Variants in NOX4 observed in about 807,000 individuals in gnomAD.
NOX4 encodes kidney oxidase-1.
In NOX4, 69 loss-of-function variants were observed where a neutral mutation model predicts 87.6. The observed-to-expected ratio is 0.79, with a 90% CI of 0.65 to 0.96. NOX4 has a LOEUF of 0.96. Among genes scored for constraint, NOX4 ranks in the 40% least tolerant of loss-of-function variants. The probability of loss-of-function intolerance (pLI) is 0.00; values close to 1 mark genes in which losing one functional copy is unlikely to be tolerated. For missense variants in NOX4, 680 were observed against 681.5 expected (o/e 1.00, Z 0.02); for synonymous variants, 275 against 238.2 (o/e 1.15, Z -1.42).
At chr11:89,455,668 T>C (rs1945161301) in intron 2 of NOX4, among the ~76,000 whole-genome samples, 1 of 150,778 alleles carries the variant, frequency 6.6e-6, no homozygotes, top group South Asian at 2.1e-4. Context: ...TCATGGAAAA[T>C]ATTATGAAGT....
chr11:89,436,553 AATTT>A (rs1263842739), intron 6 of NOX4, among the ~76,000 whole-genome samples: 1 of 152,120 alleles, frequency 6.6e-6, no homozygotes, highest in Non-Finnish European at 1.5e-5. Flanking sequence ...ATGCATATTA[AATTT>A]ATTAATTAGT....
chr11:89,490,439 C>A lies in NOX4; in HGVS notation c.153+19G>T. The A allele has an allele frequency of 6.5e-7, 1 of 1,536,130 alleles. No homozygotes were observed. On this transcript the variant is annotated intron_variant, in intron 2 of 17. Transcript: ENST00000263317. ...TGTTAAACCCATTCCACCAGATTAT[C>A]CAAGTTCACCTTACTTACCCCCAAC...
At chr11:89,578,290 T>C in the NOX4 span, among the ~76,000 whole-genome samples, 1 of 151,872 alleles carries the variant, frequency 6.6e-6, no homozygotes, top group Admixed American at 6.6e-5. Flanking sequence ...GCTTCCTGAG[T>C]AGCCGGGACT....
intron 2 of NOX4, among the ~76,000 whole-genome samples, chr11:89,485,229 G>A (rs1264117344): frequency 1.3e-5 from 2 of 152,072 alleles, no homozygotes; most frequent in African/African-American, 4.8e-5. Context: ...CAAGAGCATA[G>A]ATATTTCAAT....
intron 5 of NOX4, chr11:89,443,454 C>G (rs1171193156): frequency 6.6e-6 from 1 of 152,124 alleles, no homozygotes; most frequent in African/African-American, 2.4e-5. Context: ...TTGATGTAGT[C>G]TTGGCATTGT....
chr11:89,491,503 C>A (rs1946856245), upstream of NOX4: 2 of 472,982 alleles, frequency 4.2e-6, no homozygotes, highest in Admixed American at 4.4e-5. Flanking sequence ...AGACGCCCAG[C>A]GCTCTGAGCG....
intron 5 of NOX4, among the ~76,000 whole-genome samples, chr11:89,441,933 A>G (rs1384832411): frequency 2.2e-5 from 3 of 138,642 alleles, no homozygotes; most frequent in African/African-American, 5.6e-5. Flanking sequence ...TTCACAAAAT[A>G]ACATATGTGT....
At chr11:89,425,420 A>C (rs560662910) in intron 7 of NOX4, among the ~76,000 whole-genome samples, 37 of 151,556 alleles carry the variant, frequency 2.4e-4, no homozygotes, top group Non-Finnish European at 4.0e-4. Context: ...AAAAAAAAAA[A>C]AAAACAAAAC....
chr11:89,336,246 T>C (rs982900508), intron 16 of NOX4, among the ~76,000 whole-genome samples: 1 of 151,944 alleles, frequency 6.6e-6, no homozygotes, highest in African/African-American at 2.4e-5. Context: ...ACTAATCTCC[T>C]TGAATGCCAT....
chr11:89,486,495 CATAT>C, intron 2 of NOX4, among the ~76,000 whole-genome samples: 1 of 142,658 alleles, frequency 7.0e-6, no homozygotes, highest in African/African-American at 2.6e-5. Flanking sequence ...TGTTTGTGTG[CATAT>C]ATACACATAT....
the NOX4 span, among the ~76,000 whole-genome samples, chr11:89,581,248 T>A: frequency 6.6e-6 from 1 of 152,146 alleles, no homozygotes; most frequent in Non-Finnish European, 1.5e-5. Context: ...ATTAAGAGTT[T>A]CTGAGCAAGA....
At chr11:89,586,290 C>T in the NOX4 span, among the ~76,000 whole-genome samples, 2 of 152,148 alleles carry the variant, frequency 1.3e-5, no homozygotes, top group East Asian at 1.9e-4. Flanking sequence ...TAGTAGCAGT[C>T]AGAATTTATT....
At chr11:89,447,525 C>A (rs919708569) in intron 4 of NOX4, among the ~76,000 whole-genome samples, 1 of 152,070 alleles carries the variant, frequency 6.6e-6, no homozygotes, top group Non-Finnish European at 1.5e-5. Flanking sequence ...CAAAACAAAG[C>A]AATGTGGTAG....
At chr11:89,442,499 A>G (rs1944501167) in intron 5 of NOX4, among the ~76,000 whole-genome samples, 1 of 152,188 alleles carries the variant, frequency 6.6e-6, no homozygotes, top group Admixed American at 6.6e-5. Flanking sequence ...AAGACTAAAA[A>G]TAAATTATGG....
intron 2 of NOX4, among the ~76,000 whole-genome samples, chr11:89,461,537 C>T (rs972327392): frequency 4.0e-5 from 6 of 151,160 alleles, no homozygotes; most frequent in Non-Finnish European, 5.9e-5. Context: ...CCCAGCTACT[C>T]GGGAGGCTGA....
At chr11:89,331,176 G>C (rs1945452337) in intron 17 of NOX4, among the ~76,000 whole-genome samples, 1 of 151,408 alleles carries the variant, frequency 6.6e-6, no homozygotes, top group South Asian at 2.1e-4. Context: ...TAGAAATTAA[G>C]AACAAAAAGA....
intron 2 of NOX4, among the ~76,000 whole-genome samples, chr11:89,461,739 C>G (rs535351713): frequency 2.0e-5 from 3 of 151,978 alleles, no homozygotes; most frequent in South Asian, 4.2e-4. Context: ...GGAACAAAAT[C>G]TCATTACAGA....
chr11:89,325,632 G>T lies in NOX4; in HGVS notation c.*1124C>A, dbSNP rs561572749. On this transcript the variant is annotated 3_prime_UTR_variant, in exon 18 of 18. Transcript: ENST00000263317. The stretch of plus-strand genomic sequence containing the variant: ...ATATCATATTTCCTCTTACTTAAAA[G>T]GTAAAATACAGGTTTTACTGTTCAG... The T allele has an allele frequency of 6.6e-6, 1 of 151,912 alleles. No individual in the cohort carries two copies. The highest frequency in any genetic ancestry group is 1.5e-5 in the Non-Finnish European group (1 of 67,978). 9.4% of individuals were successfully genotyped at this position (151,912 alleles called of 1,614,324 possible).
At chr11:89,561,062 T>TATATATATATATAC in the NOX4 span, among the ~76,000 whole-genome samples, 2 of 107,118 alleles carry the variant, frequency 1.9e-5, no homozygotes, top group African/African-American at 7.3e-5. Flanking sequence ...TATATATATA[T>TATATATATATATAC]ATATATATAT....
Sources: gnomAD v4.1 joint callset for allele counts (sites outside exome capture counted in the v4.1 genomes callset) on GRCh38, gnomAD v4.1.1 for gene constraint, MANE v1.5 for transcripts, NCBI Gene and HGNC (gene_info 2026-07-23, HGNC 2026-07-21) for gene names.